The following ADAM9 variants were observed in gnomAD, a reference collection of about 807,000 sequenced individuals.
ADAM9 encodes the protein disintegrin and metalloproteinase domain-containing protein 9.
ADAM9 carries 54 observed loss-of-function variants against 108.1 expected under a neutral mutation model. The ratio of observed to expected loss-of-function variants is 0.50; its 90% CI spans 0.40 to 0.63. The LOEUF is 0.63. Among genes scored for constraint, ADAM9 ranks in the 20% least tolerant of loss-of-function variants. The pLI, the probability that ADAM9 is intolerant of heterozygous loss-of-function variation, is 0.00. For missense variants in ADAM9, 830 were observed against 997.7 expected (o/e 0.83, Z 2.26); for synonymous variants, 316 against 336.0 (o/e 0.94, Z 0.65).
chr8:39,022,263 G>T (rs931609432), intron 8 of ADAM9, among the ~76,000 whole-genome samples: 1 of 152,240 alleles, frequency 6.6e-6, no homozygotes, highest in South Asian at 2.1e-4. Context: ...GCATTCACTT[G>T]AGTACTTACA....
At chr8:39,094,319 G>A (rs1839437612) in intron 20 of ADAM9, among the ~76,000 whole-genome samples, 1 of 152,188 alleles carries the variant, frequency 6.6e-6, no homozygotes, top group Non-Finnish European at 1.5e-5. Flanking sequence ...GCTGAATTCA[G>A]TTTGCTAGTA....
chr8:39,021,715 G>C lies in ADAM9; in HGVS notation c.744+1G>C. 1 of 1,611,114 alleles carries C rather than the reference G, an allele frequency of 6.2e-7. No homozygotes were observed. The highest frequency in any genetic ancestry group is 8.5e-7 in the Non-Finnish European group (1 of 1,177,306). The stretch of plus-strand genomic sequence containing the variant: ...TCTCCTGGCAAACTACTTGGATAGT[G>C]TAAGTTGTATTTTCTATCAACCAGG... On this transcript the variant is annotated splice_donor_variant, in intron 8 of 21. Coordinates refer to ENST00000487273, the MANE Select transcript of ADAM9 (RefSeq NM_003816.3). LOFTEE classifies it high-confidence loss of function.
chr8:38,997,243 T>C, intron 1 of ADAM9, 83 bp downstream of exon 1: 1 of 1,452,976 alleles, frequency 6.9e-7, no homozygotes, highest in South Asian at 1.2e-5. Flanking sequence ...TGCCTGGGAG[T>C]GGAGGGGCCC....
At chr8:39,077,587 T>C (rs916971919) in intron 16 of ADAM9, among the ~76,000 whole-genome samples, 176 bp downstream of exon 16, 5 of 152,188 alleles carry the variant, frequency 3.3e-5, no homozygotes, top group African/African-American at 1.2e-4. Flanking sequence ...TTATCCACAT[T>C]TCCTTACTGG....
At chr8:39,052,345 T>C (rs1837984394) in intron 12 of ADAM9, among the ~76,000 whole-genome samples, 1 of 152,138 alleles carries the variant, frequency 6.6e-6, no homozygotes, top group Non-Finnish European at 1.5e-5. Context: ...TTTTTAGACC[T>C]CTTTCTATAA....
At chr8:39,064,915 AT>A (rs936245050) in intron 14 of ADAM9, among the ~76,000 whole-genome samples, 1 of 152,098 alleles carries the variant, frequency 6.6e-6, no homozygotes, top group Non-Finnish European at 1.5e-5. Flanking sequence ...AGCCATTCTG[AT>A]TTTTATACCT....
intron 3 of ADAM9, among the ~76,000 whole-genome samples, chr8:39,013,155 G>T (rs966509812): frequency 6.6e-6 from 1 of 152,082 alleles, no homozygotes; most frequent in Admixed American, 6.5e-5. Flanking sequence ...TCCTTAACAT[G>T]GAGTGAAGAT....
chr8:39,095,230 A>G lies in ADAM9; in HGVS notation c.2298+3884A>G, dbSNP rs572533815. On this transcript the variant is annotated intron_variant, in intron 20 of 21. Transcript: ENST00000487273. Reference sequence around the variant, plus strand: ...ATTCTGTTGGCCCTGTAGAACCCACATATAGGAAAAGTTGGCCCTCTGTAT... The same window carrying G: ...ATTCTGTTGGCCCTGTAGAACCCACGTATAGGAAAAGTTGGCCCTCTGTAT... Among the ~76,000 whole-genome samples the G allele has an allele frequency of 1.6e-4, 24 of 152,296 alleles. 1 individual carries two copies. The South Asian group carries it at 5.0e-3, about 32-fold the overall frequency.
intron 12 of ADAM9, among the ~76,000 whole-genome samples, chr8:39,046,762 TTTAA>T (rs1316579226): frequency 6.6e-6 from 1 of 151,708 alleles, no homozygotes; most frequent in Non-Finnish European, 1.5e-5. Context: ...TATCTCATTA[TTTAA>T]TTAATTAAAT....
intron 7 of ADAM9, among the ~76,000 whole-genome samples, chr8:39,020,295 C>T (rs1305819214): frequency 2.0e-5 from 3 of 152,078 alleles, no homozygotes; most frequent in African/African-American, 4.8e-5. Flanking sequence ...TGTTCTTCTT[C>T]ATTGCTGTCT....
At chr8:39,030,198 G>A (rs1480443683) in intron 11 of ADAM9, among the ~76,000 whole-genome samples, 1 of 151,994 alleles carries the variant, frequency 6.6e-6, no homozygotes, top group Non-Finnish European at 1.5e-5. Flanking sequence ...CCCTCATTAT[G>A]GTATCATGCA....
chr8:39,018,661 G>A (rs746760638), intron 6 of ADAM9, 192 bp from the exon 7 acceptor site: 46 of 622,488 alleles, frequency 7.4e-5, no homozygotes, highest in Non-Finnish European at 1.2e-4. Context: ...TAGCAGAACT[G>A]GACAAAGTTT....
At chr8:39,045,970 T>G (rs1403988906) in intron 12 of ADAM9, among the ~76,000 whole-genome samples, 1 of 152,126 alleles carries the variant, frequency 6.6e-6, no homozygotes, top group Non-Finnish European at 1.5e-5. Context: ...TGATTTTCAA[T>G]GATGTTGAGC....
rs543906742 is a variant in ADAM9 at position 39,029,590 on chromosome 8, G to A, written c.1130+2780G>A. On this transcript the variant is annotated intron_variant, in intron 11 of 21. Transcript: ENST00000487273. ...TCCTAGTTTGTTGAGATCTTTTGTT[G>A]TGAAAGAATGTTGAATTTTATCAAA... Among the ~76,000 whole-genome samples, 22 of 152,262 alleles carry A rather than the reference G, an allele frequency of 1.4e-4. 1 individual carries two copies. In the South Asian group the frequency reaches 4.4e-3, roughly 30 times the overall value.
intron 9 of ADAM9, among the ~76,000 whole-genome samples, chr8:39,024,150 C>CT (rs1236037079): frequency 6.6e-6 from 1 of 152,144 alleles, no homozygotes; most frequent in Non-Finnish European, 1.5e-5. Context: ...GATTCCTGAC[C>CT]TTTTGTATGT....
At chr8:39,020,273 A>G (rs4733901) in intron 7 of ADAM9, among the ~76,000 whole-genome samples, 35,829 of 152,068 alleles carry the variant, frequency 0.24, 4,519 homozygotes, top group South Asian at 0.31. Flanking sequence ...ACAAAACAAA[A>G]CACACACAAA....
chr8:39,000,546 C>T (rs1013094447), intron 1 of ADAM9, among the ~76,000 whole-genome samples: 3 of 151,772 alleles, frequency 2.0e-5, no homozygotes, highest in Non-Finnish European at 2.9e-5. Flanking sequence ...ACTGTAACCT[C>T]GAATTCCTGG....
intron 11 of ADAM9, among the ~76,000 whole-genome samples, chr8:39,038,571 A>G (rs934737161): frequency 1.3e-5 from 2 of 152,154 alleles, no homozygotes; most frequent in East Asian, 3.8e-4. Context: ...TATCTAATTT[A>G]TTATATAAGT....
intron 7 of ADAM9, 115 bp from the exon 8 acceptor site, chr8:39,021,528 C>A: frequency 1.1e-6 from 1 of 886,216 alleles, no homozygotes; most frequent in Non-Finnish European, 1.9e-6. Context: ...AGGTGATCTA[C>A]CCGCCTGGGC....
Sources: gnomAD v4.1 joint callset for allele counts (sites outside exome capture counted in the v4.1 genomes callset) on GRCh38, gnomAD v4.1.1 for gene constraint, MANE v1.5 for transcripts, NCBI Gene and HGNC (gene_info 2026-07-23, HGNC 2026-07-21) for gene names.